STXBP6: variants seen among roughly 807,000 people sequenced by gnomAD.
The protein encoded by STXBP6 is syntaxin binding protein 6.
A neutral mutation model predicts 26.9 loss-of-function variants in STXBP6; 21 were observed. That is an observed-to-expected ratio of 0.78 (90% CI 0.55 to 1.12). STXBP6 has a LOEUF of 1.12. Ranked by LOEUF, STXBP6 falls within the 50% of genes most tolerant of loss-of-function variation. STXBP6 has a pLI of 0.00. For missense variants in STXBP6, 232 were observed against 257.9 expected (o/e 0.90, Z 0.69); for synonymous variants, 97 against 92.6 (o/e 1.05, Z -0.27).
intron 1 of STXBP6, among the ~76,000 whole-genome samples, chr14:25,038,261 T>G (rs1178336292): frequency 6.6e-6 from 1 of 152,164 alleles, no homozygotes; most frequent in Admixed American, 6.5e-5. Flanking sequence ...ACAATGGAAC[T>G]CTTATTCATA....
intron 2 of STXBP6, among the ~76,000 whole-genome samples, chr14:24,892,908 C>T (rs1047161545): frequency 6.6e-6 from 1 of 152,246 alleles, no homozygotes; most frequent in African/African-American, 2.4e-5. Context: ...AGAACTCCCA[C>T]AGCCCTGAAG....
chr14:24,938,642 T>C (rs2139968995), intron 2 of STXBP6, among the ~76,000 whole-genome samples: 1 of 150,738 alleles, frequency 6.6e-6, no homozygotes, highest in East Asian at 1.9e-4. Context: ...ATTATACCAG[T>C]ACTAGACTGC....
chr14:24,974,989 T>C (rs58424382), intron 1 of STXBP6, 139 bp from the exon 2 acceptor site: 55,961 of 515,840 alleles, frequency 0.11, 3,409 homozygotes, highest in African/African-American at 0.14. Context: ...AAATGTATTA[T>C]AGAAACATTA....
At chr14:24,931,195 T>C (rs2072390357) in intron 2 of STXBP6, among the ~76,000 whole-genome samples, 1 of 115,140 alleles carries the variant, frequency 8.7e-6, no homozygotes, top group African/African-American at 3.4e-5. Flanking sequence ...ATGAGAACAC[T>C]TGGACACAGG....
chr14:24,940,498 T>C (rs182026955), intron 2 of STXBP6, among the ~76,000 whole-genome samples: 3 of 152,320 alleles, frequency 2.0e-5, no homozygotes, highest in South Asian at 2.1e-4. Flanking sequence ...CTGTACCTTT[T>C]TATTATTGCT....
At chr14:24,917,498 C>T (rs1193242991) in intron 2 of STXBP6, among the ~76,000 whole-genome samples, 1 of 152,078 alleles carries the variant, frequency 6.6e-6, no homozygotes, top group Non-Finnish European at 1.5e-5. Flanking sequence ...AGGAGGTTAA[C>T]ATTTTCAATT....
chr14:24,823,912 A>G (rs1247016606), intron 4 of STXBP6, among the ~76,000 whole-genome samples: 1 of 152,210 alleles, frequency 6.6e-6, no homozygotes, highest in African/African-American at 2.4e-5. Context: ...TGACTCTCAC[A>G]TAATATGCCA....
intron 2 of STXBP6, among the ~76,000 whole-genome samples, chr14:24,893,116 T>G (rs2070852938): frequency 1.3e-5 from 2 of 152,168 alleles, no homozygotes; most frequent in South Asian, 4.1e-4. Context: ...TCCCAGAGAC[T>G]CAAATGCCCA....
At chr14:24,970,814 A>G (rs2073885799) in intron 2 of STXBP6, among the ~76,000 whole-genome samples, 1 of 152,216 alleles carries the variant, frequency 6.6e-6, no homozygotes, top group South Asian at 2.1e-4. Context: ...TCATTTTTAC[A>G]TTCCCATCAG....
Position 25,030,593 on chromosome 14 carries a change from A to C in STXBP6, c.-33+19285T>G, listed in dbSNP as rs190987353. ...GCAAGGGAACAGGAGAACTGATTTTAAACAGACAGATTTTAAAGGCAAATT... is the reference window on the plus strand; with the variant it reads ...GCAAGGGAACAGGAGAACTGATTTTCAACAGACAGATTTTAAAGGCAAATT... On this transcript the variant is annotated intron_variant, in intron 1 of 5. Coordinates refer to ENST00000323944, the MANE Select transcript of STXBP6 (RefSeq NM_001394410.1). Among the ~76,000 whole-genome samples, 20 of 152,300 alleles carry C rather than the reference A, an allele frequency of 1.3e-4. No individual in the cohort carries two copies. The East Asian group carries it at 3.3e-3, about 25-fold the overall frequency.
At chr14:24,813,794 T>C (rs1173805167) in intron 5 of STXBP6, among the ~76,000 whole-genome samples, 2 of 152,254 alleles carry the variant, frequency 1.3e-5, no homozygotes, top group Non-Finnish European at 2.9e-5. Context: ...CCATTTCTTC[T>C]GCAAAACCCA....
At chr14:24,857,742 T>C (rs1594975018) in intron 2 of STXBP6, among the ~76,000 whole-genome samples, 1 of 151,856 alleles carries the variant, frequency 6.6e-6, no homozygotes, top group Admixed American at 6.6e-5. Context: ...TATGATTGAA[T>C]CTGGTGTTCT....
chr14:24,820,280 G>C (rs2068099640), intron 4 of STXBP6, among the ~76,000 whole-genome samples: 1 of 152,120 alleles, frequency 6.6e-6, no homozygotes, highest in Admixed American at 6.5e-5. Flanking sequence ...ATTTCCACTG[G>C]TCTCAGCTGC....
At chr14:24,865,021 T>A (rs1219129484) in intron 2 of STXBP6, among the ~76,000 whole-genome samples, 1 of 151,972 alleles carries the variant, frequency 6.6e-6, no homozygotes, top group Non-Finnish European at 1.5e-5. Flanking sequence ...ATAAAAATTA[T>A]CTAAAATTAA....
chr14:25,001,404 C>A (rs549073564), intron 1 of STXBP6, among the ~76,000 whole-genome samples: 1 of 152,270 alleles, frequency 6.6e-6, no homozygotes, highest in East Asian at 1.9e-4. Flanking sequence ...AAATCACTTT[C>A]AACCATACCA....
At chr14:25,019,492 G>C (rs1323517001) in intron 1 of STXBP6, among the ~76,000 whole-genome samples, 1 of 152,284 alleles carries the variant, frequency 6.6e-6, no homozygotes, top group East Asian at 1.9e-4. Flanking sequence ...TCCTCCTTTT[G>C]CCTTTACTTT....
At chr14:24,863,642 T>C (rs2069620872) in intron 2 of STXBP6, among the ~76,000 whole-genome samples, 1 of 152,160 alleles carries the variant, frequency 6.6e-6, no homozygotes, top group South Asian at 2.1e-4. Context: ...AACAATCTCT[T>C]TTCCTGCAAT....
At chr14:24,950,063 A>G (rs1362831437) in intron 2 of STXBP6, among the ~76,000 whole-genome samples, 2 of 152,118 alleles carry the variant, frequency 1.3e-5, no homozygotes, top group African/African-American at 4.8e-5. Flanking sequence ...ATTAAACTCT[A>G]CTAAATTTAG....
chr14:24,894,513 A>AGGAAAGGTCC (rs2070911668), intron 2 of STXBP6, among the ~76,000 whole-genome samples: 1 of 151,944 alleles, frequency 6.6e-6, no homozygotes, highest in Non-Finnish European at 1.5e-5. Context: ...AGGAAAGGTC[A>AGGAAAGGTCC]GTGTCCCCCA....
Sources: gnomAD v4.1 joint callset for allele counts (sites outside exome capture counted in the v4.1 genomes callset) on GRCh38, gnomAD v4.1.1 for gene constraint, MANE v1.5 for transcripts, NCBI Gene and HGNC (gene_info 2026-07-23, HGNC 2026-07-21) for gene names.